Variants in DET1 observed in about 807,000 individuals in gnomAD.
DET1 encodes the protein DET1 partner of COP1 E3 ubiquitin ligase, also known as DET1 homolog.
Under a neutral mutation model 43.7 loss-of-function variants are expected in DET1, and 22 were observed. The observed-to-expected ratio is 0.50, with a 90% CI of 0.36 to 0.72. DET1 has a LOEUF of 0.72. Ranked by LOEUF, DET1 falls within the 30% of genes least tolerant of loss-of-function variation. The pLI is 0.00. For missense variants in DET1, 713 were observed against 713.3 expected (o/e 1.00, Z 0.00); for synonymous variants, 315 against 266.2 (o/e 1.18, Z -1.79).
intron 7 of DET1, among the ~76,000 whole-genome samples, chr15:88,506,149 G>T (rs2056138236): frequency 6.6e-6 from 1 of 152,158 alleles, no homozygotes; most frequent in African/African-American, 2.4e-5. Context: ...GGCACTTATT[G>T]TATCAAGAGC....
At position 88,530,987 on chromosome 15, in the gene DET1, T is replaced by A. The variant is rs750292120; in HGVS notation, c.719A>T (p.His240Leu). The A allele has an allele frequency of 1.2e-6, 2 of 1,613,858 alleles. No individual in the cohort carries two copies. Among genetic ancestry groups the A allele is most frequent in the South Asian group, 1.1e-5 (1 of 91,060 alleles). ...GCCTTCAGGAGTCACCTGGAAGACA[T>A]GGATGGTCTGTTGTTGCACAGACAA... ...AILSVQQQTI[H>L]VFQVTPEGTF... The change falls in exon 2 of 5, where the codon CAT (histidine) becomes CTT (leucine). Residue 240 changes from histidine to leucine, a missense_variant. Physicochemically the swap from His to Leu is moderately conservative, Grantham distance 99. Transcript: ENST00000268148.
chr15:88,513,793 C>CTTTTTTTTTT (rs55855042), intron 4 of DET1, among the ~76,000 whole-genome samples: 1 of 68,490 alleles, frequency 1.5e-5, no homozygotes, highest in Non-Finnish European at 2.5e-5. Context: ...AGAATAAATT[C>CTTTTTTTTTT]TTTTTTTTTT....
chr15:88,510,515 GGTA>G (rs1171671541), downstream of DET1, among the ~76,000 whole-genome samples: 1 of 152,110 alleles, frequency 6.6e-6, no homozygotes, highest in Non-Finnish European at 1.5e-5. Flanking sequence ...ACTTCTCCTG[GGTA>G]ATGGGTAGTA....
intron 1 of DET1, among the ~76,000 whole-genome samples, chr15:88,545,308 G>C (rs991293281): frequency 6.6e-6 from 1 of 152,176 alleles, no homozygotes; most frequent in South Asian, 2.1e-4. Flanking sequence ...AAAAATCCTG[G>C]TCTCATGGAG....
chr15:88,517,322 C>T (rs1345369769), intron 3 of DET1, among the ~76,000 whole-genome samples: 1 of 150,388 alleles, frequency 6.6e-6, no homozygotes, highest in Non-Finnish European at 1.5e-5. Flanking sequence ...ACCTCCCAGG[C>T]TCAAGTGTTC....
chr15:88,531,796 T>C lies in DET1; in HGVS notation c.-10-81A>G. On this transcript the variant is annotated intron_variant, in intron 1 of 4. Coordinates refer to ENST00000268148, the MANE Select transcript of DET1 (RefSeq NM_001144074.3). The surrounding 1 kb of genome is among the most constrained non-coding windows in gnomAD (Gnocchi z 6.2). ...TAAATATATACAAGTGAAACAGATT[T>C]CTCTTCTTATATCCTGAACCTAGGA... 7.4e-7 allele frequency: 1 copy of C among 1,348,176 alleles called. No homozygotes were observed. 83.5% of individuals were successfully genotyped at this position (1,348,176 alleles called of 1,614,324 possible).
At chr15:88,539,094 GCTCTCTCTCT>G (rs35379111) in intron 1 of DET1, among the ~76,000 whole-genome samples, 1 of 148,018 alleles carries the variant, frequency 6.8e-6, no homozygotes, top group Non-Finnish European at 1.5e-5. Context: ...CTGGCAGACC[GCTCTCTCTCT>G]CTCTCTCTCT....
At chr15:88,539,250 C>G (rs1004946941) in intron 1 of DET1, among the ~76,000 whole-genome samples, 1 of 152,016 alleles carries the variant, frequency 6.6e-6, no homozygotes, top group African/African-American at 2.4e-5. Context: ...ACGGCGAAAG[C>G]TACACAGTTT....
rs1328174711 is a variant in DET1, at chr15:88,541,574, ACT to A, written c.-11+4964_-11+4965del. ...GCCTTTAAAAAGGCAAGCTCCGGAC[ACT>A]CTGTGAAGTAGAATGGCCAAGGTTT... On this transcript the variant is annotated intron_variant, in intron 1 of 4. Transcript: ENST00000268148. Among the ~76,000 whole-genome samples the A allele has an allele frequency of 7.2e-5, 11 of 152,180 alleles. 1 individual carries two copies. The South Asian group carries it at 1.2e-3, about 17-fold the overall frequency.
chr15:88,507,725 G>A (rs752086053), downstream of DET1, among the ~76,000 whole-genome samples: 9 of 152,174 alleles, frequency 5.9e-5, no homozygotes, highest in East Asian at 1.9e-4. Context: ...CCCTATGAGC[G>A]TACTCAAAAA....
chr15:88,527,982 T>C (rs1013126903), intron 2 of DET1, among the ~76,000 whole-genome samples, 196 bp from the exon 3 acceptor site: 2 of 152,020 alleles, frequency 1.3e-5, no homozygotes, highest in African/African-American at 2.4e-5. Context: ...TCTGGGAAAA[T>C]AGGAAGCAAC....
At chr15:88,514,655 G>A (rs540576614) in intron 4 of DET1, among the ~76,000 whole-genome samples, 10 of 152,154 alleles carry the variant, frequency 6.6e-5, no homozygotes, top group Admixed American at 3.3e-4. Context: ...ATGAAATAAC[G>A]TTTATAAAAT....
At chr15:88,545,972 T>C (rs1567078913) in intron 1 of DET1, among the ~76,000 whole-genome samples, 3 of 151,242 alleles carry the variant, frequency 2.0e-5, no homozygotes, top group Non-Finnish European at 4.4e-5. Flanking sequence ...CTTGTAATAG[T>C]CATAAAGCCC....
intron 1 of DET1, among the ~76,000 whole-genome samples, chr15:88,541,949 C>T (rs1348630842): frequency 6.6e-6 from 1 of 152,198 alleles, no homozygotes; most frequent in African/African-American, 2.4e-5. Flanking sequence ...GAAGCAGCCC[C>T]TCTACTACCA....
chr15:88,507,448 A>G (rs916539875), intron 7 of DET1, among the ~76,000 whole-genome samples: 1 of 152,034 alleles, frequency 6.6e-6, no homozygotes, highest in African/African-American at 2.4e-5. Flanking sequence ...ATTATTCTCA[A>G]TTTCTCTTTT....
intron 1 of DET1, among the ~76,000 whole-genome samples, chr15:88,538,114 C>G (rs1487128089): frequency 6.6e-6 from 1 of 152,152 alleles, no homozygotes; most frequent in Non-Finnish European, 1.5e-5. Flanking sequence ...AAGAAGAAAG[C>G]CTGACTGAAT....
intron 1 of DET1, among the ~76,000 whole-genome samples, chr15:88,541,413 C>T (rs1217673017): frequency 1.3e-5 from 2 of 151,102 alleles, no homozygotes; most frequent in African/African-American, 4.9e-5. Context: ...CCCGGGTCCC[C>T]TTATTTCTTT....
In DET1 at chr15:88,527,587, G is replaced by A; in HGVS notation, c.1271+12C>T. On this transcript the variant is annotated intron_variant, in intron 3 of 4. Transcript: ENST00000268148. Reference sequence around the variant, plus strand: ...TAAAGAAAAGACTGTTGAGTCTGGTGGAACAGCTTACCGGCGCTGGATCTG... The same window carrying A: ...TAAAGAAAAGACTGTTGAGTCTGGTAGAACAGCTTACCGGCGCTGGATCTG... The A allele has an allele frequency of 6.3e-7, 1 of 1,583,524 alleles. No individual in the cohort carries two copies. The highest frequency in any genetic ancestry group is 2.3e-5 in the East Asian group (1 of 43,974).
At chr15:88,506,654 G>T (rs2056145209) in intron 7 of DET1, among the ~76,000 whole-genome samples, 1 of 152,078 alleles carries the variant, frequency 6.6e-6, no homozygotes, top group African/African-American at 2.4e-5. Flanking sequence ...TCATGACTGA[G>T]TTTAAGTTAC....
Sources: gnomAD v4.1 joint callset for allele counts (sites outside exome capture counted in the v4.1 genomes callset) on GRCh38, gnomAD v4.1.1 for gene constraint, Gnocchi (gnomAD v3.1) non-coding constraint, MANE v1.5 for transcripts, NCBI Gene and HGNC (gene_info 2026-07-23, HGNC 2026-07-21) for gene names.